Variants in ABCB1 observed in about 807,000 individuals in gnomAD.
ABCB1 encodes ATP binding cassette subfamily B member 1, also known as ATP-dependent translocase ABCB1.
ABCB1 carries 69 observed loss-of-function variants against 142.0 expected under a neutral mutation model. That is an observed-to-expected ratio of 0.49 (90% confidence interval 0.40 to 0.59). The LOEUF is 0.59. Among genes scored for constraint, ABCB1 ranks in the 20% least tolerant of loss-of-function variants. ABCB1 has a pLI of 0.00. For synonymous variants in ABCB1, 532 were observed against 539.2 expected (o/e 0.99, Z 0.18); for missense variants, 1,326 against 1,554.7 (o/e 0.85, Z 2.47).
chr7:87,573,575 CA>C (rs1818145206), intron 4 of ABCB1, among the ~76,000 whole-genome samples: 1 of 152,090 alleles, frequency 6.6e-6, no homozygotes, highest in Admixed American at 6.5e-5. Flanking sequence ...ATATTGTCCC[CA>C]GATTTTATAT....
At chr7:87,550,369 G>T (rs1010115474) in intron 11 of ABCB1, 73 bp from the exon 12 acceptor site, 3 of 1,609,704 alleles carry the variant, frequency 1.9e-6, no homozygotes, top group Non-Finnish European at 2.5e-6. Flanking sequence ...CTGTTCACTA[G>T]GTTTAAATAT....
chr7:87,532,856 C>T lies in ABCB1; in HGVS notation c.2482-1359G>A, dbSNP rs953031078. Among the ~76,000 whole-genome samples, 10 of 152,246 alleles carry T rather than the reference C, an allele frequency of 6.6e-5. No individual in the cohort carries two copies. In the East Asian group the frequency reaches 1.5e-3, roughly 24 times the overall value. On this transcript the variant is annotated intron_variant, in intron 20 of 27. Coordinates refer to ENST00000622132, the MANE Select transcript of ABCB1 (RefSeq NM_001348946.2). ...AAGAACCCTCTTTCAAGGTCTGCATCGGGACCCCTTTCTAGTAACAATAGA... is the reference window on the plus strand; with the variant it reads ...AAGAACCCTCTTTCAAGGTCTGCATTGGGACCCCTTTCTAGTAACAATAGA...
chr7:87,665,683 C>G (rs1473274490), intron 1 of ABCB1, among the ~76,000 whole-genome samples: 1 of 152,012 alleles, frequency 6.6e-6, no homozygotes, highest in Non-Finnish European at 1.5e-5. Context: ...TGATCCTCTC[C>G]TTCCTCTCAC....
At chr7:87,539,387 T>C (rs772793998) in intron 18 of ABCB1, 42 bp from the exon 19 acceptor site, 7 of 1,580,454 alleles carry the variant, frequency 4.4e-6, no homozygotes, top group Non-Finnish European at 5.2e-6. Context: ...CAGCCACCAT[T>C]TAAATAAAAG....
chr7:87,628,122 AG>A (rs922133343), intron 1 of ABCB1, among the ~76,000 whole-genome samples: 9 of 151,806 alleles, frequency 5.9e-5, no homozygotes, highest in South Asian at 2.1e-4. Flanking sequence ...GCTACAGGCA[AG>A]GGGGGGGCAA....
At chr7:87,661,618 A>G (rs1019527457) in intron 1 of ABCB1, among the ~76,000 whole-genome samples, 1 of 151,888 alleles carries the variant, frequency 6.6e-6, no homozygotes. Context: ...TTATGGCTGA[A>G]TAGTACTCCC....
chr7:87,671,311 G>A (rs1294125185), intron 1 of ABCB1, among the ~76,000 whole-genome samples: 1 of 152,204 alleles, frequency 6.6e-6, no homozygotes, highest in African/African-American at 2.4e-5. Context: ...TGCAGCGGCA[G>A]TCTCAGAGAG....
chr7:87,521,615 C>G (rs1283404993), intron 21 of ABCB1: 7 of 768,892 alleles, frequency 9.1e-6, no homozygotes, highest in African/African-American at 1.7e-5. Context: ...GATCCAAATA[C>G]CAAGCGCTCA....
At chr7:87,686,508 G>A (rs1827474624) in intron 1 of ABCB1, among the ~76,000 whole-genome samples, 1 of 152,130 alleles carries the variant, frequency 6.6e-6, no homozygotes, top group Admixed American at 6.5e-5. Context: ...GGACTGACTG[G>A]TAGGCCACAT....
chr7:87,644,633 TAAG>T (rs1374860962), intron 1 of ABCB1, among the ~76,000 whole-genome samples: 1 of 152,188 alleles, frequency 6.6e-6, no homozygotes, highest in African/African-American at 2.4e-5. Flanking sequence ...ATGGTATAGA[TAAG>T]AAGATCTATT....
chr7:87,597,917 G>A (rs1246663905), intron 2 of ABCB1, among the ~76,000 whole-genome samples: 2 of 151,962 alleles, frequency 1.3e-5, no homozygotes, highest in African/African-American at 2.4e-5. Context: ...CACACACTAC[G>A]TTTGGTAGTT....
chr7:87,641,691 C>T (rs944305001), intron 1 of ABCB1, among the ~76,000 whole-genome samples: 9 of 152,102 alleles, frequency 5.9e-5, no homozygotes, highest in Non-Finnish European at 1.3e-4. Flanking sequence ...ACAAATCCTC[C>T]AAAATACATA....
At chr7:87,645,880 G>A (rs1336285847) in intron 1 of ABCB1, among the ~76,000 whole-genome samples, 2 of 152,190 alleles carry the variant, frequency 1.3e-5, no homozygotes, top group Non-Finnish European at 2.9e-5. Flanking sequence ...TTTGCCTTCT[G>A]AAATTTTGGG....
intron 4 of ABCB1, among the ~76,000 whole-genome samples, chr7:87,575,416 A>G (rs181510290): frequency 6.4e-4 from 97 of 152,176 alleles, no homozygotes; most frequent in African/African-American, 2.2e-3. Flanking sequence ...ACTTTCTCTA[A>G]TATCATCGGA....
chr7:87,701,936 G>A (rs892231629), intron 1 of ABCB1, among the ~76,000 whole-genome samples: 22 of 152,008 alleles, frequency 1.4e-4, no homozygotes, highest in Non-Finnish European at 2.5e-4. Context: ...GAGGTCAGGA[G>A]ATCGAGACCA....
At chr7:87,624,438 G>C (rs1245133213) in intron 1 of ABCB1, among the ~76,000 whole-genome samples, 1 of 152,090 alleles carries the variant, frequency 6.6e-6, no homozygotes, top group Non-Finnish European at 1.5e-5. Context: ...TTTTATATTT[G>C]AGGACATTTT....
chr7:87,567,354 C>G (rs892547634), intron 5 of ABCB1, among the ~76,000 whole-genome samples: 1 of 152,224 alleles, frequency 6.6e-6, no homozygotes, highest in African/African-American at 2.4e-5. Context: ...ATGCCAGTTA[C>G]TGTGAAAGAT....
intron 3 of ABCB1, among the ~76,000 whole-genome samples, chr7:87,592,022 A>G (rs1360578372): frequency 2.0e-5 from 3 of 152,232 alleles, no homozygotes; most frequent in African/African-American, 7.2e-5. Flanking sequence ...ATAGAATTTT[A>G]AAATGTCCAC....
At chr7:87,563,973 T>C (rs1817681755) in intron 7 of ABCB1, among the ~76,000 whole-genome samples, 1 of 149,730 alleles carries the variant, frequency 6.7e-6, no homozygotes, top group Non-Finnish European at 1.5e-5. Context: ...TGAGAACACA[T>C]GGATACATAG....
Sources: allele counts gnomAD v4.1 joint callset (sites outside exome capture counted in the v4.1 genomes callset), GRCh38; gene constraint gnomAD v4.1.1; transcripts MANE v1.5; gene names NCBI Gene and HGNC (gene_info 2026-07-23, HGNC 2026-07-21).